Variants in RYR3 observed in about 807,000 individuals in gnomAD.
RYR3 encodes the protein brain ryanodine receptor-calcium release channel.
RYR3 carries 207 observed loss-of-function variants against 584.3 expected under a neutral mutation model. That is an observed-to-expected ratio of 0.35 (90% CI 0.32 to 0.40). The LOEUF (loss-of-function observed/expected upper bound fraction) is 0.40. RYR3 is among the 10% of genes least tolerant of loss of function. The probability of loss-of-function intolerance (pLI) is 1.00; values close to 1 mark genes in which losing one functional copy is unlikely to be tolerated. For synonymous variants in RYR3, 2,416 were observed against 2,248.5 expected, an observed-to-expected ratio of 1.07 and a Z score of -2.11; for missense variants, 5,616 against 6,089.2, an observed-to-expected ratio of 0.92 and a Z score of 2.59.
intron 98 of RYR3, among the ~76,000 whole-genome samples, chr15:33,855,204 CTT>C (rs201635608): frequency 6.8e-6 from 1 of 147,474 alleles, no homozygotes. Context: ...CCTTGGAGAT[CTT>C]TTTTTTTTTG....
chr15:33,836,829 C>G, intron 87 of RYR3, 77 bp from the exon 88 acceptor site: 1 of 1,145,694 alleles, frequency 8.7e-7, no homozygotes, highest in Non-Finnish European at 1.3e-6. Context: ...CTTTCCAGAG[C>G]AGGCTCTTCT....
chr15:33,726,739 G>A (rs2068492554), intron 46 of RYR3, among the ~76,000 whole-genome samples: 1 of 152,186 alleles, frequency 6.6e-6, no homozygotes, highest in Admixed American at 6.5e-5. Flanking sequence ...CTGATTCCTA[G>A]CATTTGCCCA....
chr15:33,755,509 C>A (rs1474838944), intron 58 of RYR3, among the ~76,000 whole-genome samples: 2 of 152,152 alleles, frequency 1.3e-5, no homozygotes, highest in Non-Finnish European at 1.5e-5. Context: ...GTAGTCCCAG[C>A]TACTTGGGAG....
At chr15:33,786,417 G>A (rs1313025240) in intron 66 of RYR3, among the ~76,000 whole-genome samples, 1 of 151,600 alleles carries the variant, frequency 6.6e-6, no homozygotes, top group Non-Finnish European at 1.5e-5. Flanking sequence ...CTCTGCATTT[G>A]TATTTCACTC....
At chr15:33,414,383 G>GA (rs1018268385) in intron 1 of RYR3, among the ~76,000 whole-genome samples, 1 of 151,946 alleles carries the variant, frequency 6.6e-6, no homozygotes, top group East Asian at 1.9e-4. Context: ...AGACCAAAGA[G>GA]AAAAAAAGAC....
intron 1 of RYR3, among the ~76,000 whole-genome samples, chr15:33,355,736 T>C (rs996167728): frequency 2.6e-5 from 4 of 152,190 alleles, no homozygotes; most frequent in Non-Finnish European, 5.9e-5. Context: ...CAGAAGAAGA[T>C]GGCTGCTTCT....
chr15:33,430,417 T>C (rs2141719134), intron 1 of RYR3, among the ~76,000 whole-genome samples: 1 of 152,288 alleles, frequency 6.6e-6, no homozygotes, highest in East Asian at 1.9e-4. Context: ...ATAGACGAAT[T>C]TGAAGATTTT....
At chr15:33,524,259 G>A (rs1005492133) in intron 3 of RYR3, among the ~76,000 whole-genome samples, 1 of 152,128 alleles carries the variant, frequency 6.6e-6, no homozygotes, top group African/African-American at 2.4e-5. Flanking sequence ...CCTTATTCTT[G>A]CCTATATGTA....
At chr15:33,360,043 C>G (rs1400991279) in intron 1 of RYR3, among the ~76,000 whole-genome samples, 1 of 152,094 alleles carries the variant, frequency 6.6e-6, no homozygotes, top group Non-Finnish European at 1.5e-5. Flanking sequence ...TCTGTCTCTC[C>G]TCTTTAGACT....
intron 67 of RYR3, among the ~76,000 whole-genome samples, chr15:33,791,262 A>G (rs768559020): frequency 6.6e-6 from 1 of 152,168 alleles, no homozygotes; most frequent in Non-Finnish European, 1.5e-5. Context: ...TGAACATGTA[A>G]GAGAGAGACA....
chr15:33,637,809 T>TA (rs1469585874), intron 27 of RYR3, among the ~76,000 whole-genome samples: 9 of 152,226 alleles, frequency 5.9e-5, no homozygotes, highest in Non-Finnish European at 7.3e-5. Flanking sequence ...TTTCTTTTTT[T>TA]TTATTATTAT....
chr15:33,797,076 T>C (rs1205693134), intron 67 of RYR3, among the ~76,000 whole-genome samples: 1 of 152,136 alleles, frequency 6.6e-6, no homozygotes, highest in Non-Finnish European at 1.5e-5. Flanking sequence ...ACCTAGACTG[T>C]AGAATAATAG....
intron 14 of RYR3, among the ~76,000 whole-genome samples, chr15:33,582,559 C>T (rs192356932): frequency 1.6e-4 from 25 of 152,244 alleles, no homozygotes; most frequent in Middle Eastern, 3.4e-3. Flanking sequence ...TCTTTGTGAG[C>T]GGTGAAATAT....
In RYR3 at chr15:33,590,101, A is replaced by G. The variant is rs568911870; in HGVS notation, c.1788+3985A>G. On this transcript the variant is annotated intron_variant, in intron 16 of 103. Transcript: ENST00000634891. ...TCTCTTGTGGGCAGGGGCGGGGGTC[A>G]CAAGGTGCTCCGTGGGGGAGCTTCT... Among the ~76,000 whole-genome samples the G allele has an allele frequency of 2.0e-5, 3 of 152,336 alleles. No homozygotes were observed. The South Asian group carries it at 6.2e-4, about 32-fold the overall frequency.
chr15:33,726,863 A>G (rs994026774), intron 46 of RYR3, among the ~76,000 whole-genome samples: 2 of 152,262 alleles, frequency 1.3e-5, no homozygotes, highest in African/African-American at 4.8e-5. Context: ...TGTATTCCCA[A>G]CACACAAATA....
intron 18 of RYR3, among the ~76,000 whole-genome samples, chr15:33,608,150 G>A (rs906368040): frequency 6.6e-6 from 1 of 152,192 alleles, no homozygotes; most frequent in Non-Finnish European, 1.5e-5. Flanking sequence ...TCTCTTTATA[G>A]CATCCCTGTG....
rs2077336668 is a variant in RYR3, at chr15:33,825,658, G to T, written c.11128G>T (p.Val3710Leu). The change falls in exon 82 of 104, where the codon GTG becomes TTG. Residue 3710 changes from valine to leucine, a missense_variant. Val to Leu is a conservative substitution (Grantham distance 32). Coordinates refer to ENST00000634891, the MANE Select transcript of RYR3 (RefSeq NM_001036.6). ...RQNKAEGLGM[V>L]TEEGTLIVRE... ...GAATAAAGCTGAAGGCCTGGGGATG[G>T]TGACTGAAGAAGGAACACGTAAGTA... is the stretch of plus-strand genomic sequence containing the variant. The T allele has an allele frequency of 6.2e-7, 1 of 1,609,298 alleles. No homozygotes were observed.
At chr15:33,331,245 A>G (rs963662747) in intron 1 of RYR3, among the ~76,000 whole-genome samples, 2 of 152,134 alleles carry the variant, frequency 1.3e-5, no homozygotes, top group African/African-American at 4.8e-5. Flanking sequence ...TTCTCTTCCA[A>G]ATATTAATTC....
chr15:33,429,464 CTCTT>C (rs774015362), intron 1 of RYR3, among the ~76,000 whole-genome samples: 43 of 152,226 alleles, frequency 2.8e-4, no homozygotes, highest in Non-Finnish European at 4.7e-4. Flanking sequence ...TGAAGGATTC[CTCTT>C]TCTTTCTCTG....
Sources: gnomAD v4.1 joint callset for allele counts (sites outside exome capture counted in the v4.1 genomes callset) on GRCh38, gnomAD v4.1.1 for gene constraint, MANE v1.5 for transcripts, NCBI Gene and HGNC (gene_info 2026-07-23, HGNC 2026-07-21) for gene names.